LRP1B: variants seen among roughly 807,000 people sequenced by gnomAD.
The protein encoded by LRP1B is LDL receptor related protein 1B.
In LRP1B, 217 loss-of-function variants were observed where a neutral mutation model predicts 556.6. The observed-to-expected ratio is 0.39, with a 90% CI of 0.35 to 0.44. The LOEUF (loss-of-function observed/expected upper bound fraction) is 0.44, where lower values mean the gene tolerates loss of function less well. LRP1B is among the 20% of genes least tolerant of loss of function. The probability of loss-of-function intolerance (pLI) is 1.00; values close to 1 mark genes in which losing one functional copy is unlikely to be tolerated. For missense variants in LRP1B, 5,053 were observed against 5,620.8 expected (o/e 0.90, Z 3.23); for synonymous variants, 2,047 against 1,865.8 (o/e 1.10, Z -2.50).
At chr2:141,281,049 T>C (rs1252257546) in intron 3 of LRP1B, among the ~76,000 whole-genome samples, 1 of 152,026 alleles carries the variant, frequency 6.6e-6, no homozygotes, top group Non-Finnish European at 1.5e-5. Flanking sequence ...ACAGGCCTTA[T>C]CAAATACTGT....
At chr2:141,032,714 T>C (rs1160984063) in intron 11 of LRP1B, among the ~76,000 whole-genome samples, 1 of 151,700 alleles carries the variant, frequency 6.6e-6, no homozygotes, top group Non-Finnish European at 1.5e-5. Flanking sequence ...ATTGTGAACA[T>C]TTTTGCTTAG....
chr2:141,233,640 A>C lies in LRP1B; in HGVS notation c.593-4200T>G, dbSNP rs148685763. 5.4e-3 allele frequency among the ~76,000 whole-genome samples: 818 copies of C among 152,238 alleles called. 7 individuals are homozygous for C. The highest frequency in any genetic ancestry group is 0.017 in the African/African-American group (712 of 41,554). ...TTCTCACAGTCAAAAATATACTAAA[A>C]GTGGATTTATTTACTTATAATAATA... On this transcript the variant is annotated intron_variant, in intron 5 of 90. Transcript: ENST00000389484.
chr2:141,864,086 A>G (rs1310550724), intron 1 of LRP1B, among the ~76,000 whole-genome samples: 1 of 152,200 alleles, frequency 6.6e-6, no homozygotes, highest in Non-Finnish European at 1.5e-5. Flanking sequence ...AGCAACTACA[A>G]CAACAACAAA....
chr2:140,286,661 A>G (rs1342877606), intron 84 of LRP1B, among the ~76,000 whole-genome samples: 1 of 151,856 alleles, frequency 6.6e-6, no homozygotes, highest in Non-Finnish European at 1.5e-5. Context: ...ACTTTCAATG[A>G]CTCAATGCAA....
At chr2:141,610,399 C>A (rs1423530777) in intron 2 of LRP1B, among the ~76,000 whole-genome samples, 1 of 146,378 alleles carries the variant, frequency 6.8e-6, no homozygotes, top group Non-Finnish European at 1.5e-5. Flanking sequence ...GCATTGTAAA[C>A]AGTGTTTCCC....
At chr2:140,701,270 A>C (rs1686630911) in intron 40 of LRP1B, among the ~76,000 whole-genome samples, 1 of 152,128 alleles carries the variant, frequency 6.6e-6, no homozygotes, top group African/African-American at 2.4e-5. Context: ...GTTTAGAATA[A>C]ATATTTTAAG....
chr2:141,574,195 A>C (rs1029218079), intron 2 of LRP1B, among the ~76,000 whole-genome samples: 3 of 152,190 alleles, frequency 2.0e-5, no homozygotes, highest in Non-Finnish European at 2.9e-5. Context: ...GAAAATCCTC[A>C]ATAAAACACT....
At chr2:141,960,237 T>G (rs1258459827) in intron 1 of LRP1B, among the ~76,000 whole-genome samples, 1 of 151,806 alleles carries the variant, frequency 6.6e-6, no homozygotes, top group South Asian at 2.1e-4. Flanking sequence ...TGCTAATTGA[T>G]TTTTCTGAAG....
chr2:140,559,019 A>G lies in LRP1B; in HGVS notation c.7195-17048T>C, dbSNP rs187961216. 1.7e-3 allele frequency among the ~76,000 whole-genome samples: 264 copies of G among 152,230 alleles called. 3 individuals carry two copies. The highest frequency in any genetic ancestry group is 3.9e-3 in the Admixed American group (59 of 15,262). On this transcript the variant is annotated intron_variant, in intron 43 of 90. Coordinates refer to ENST00000389484, the MANE Select transcript of LRP1B (RefSeq NM_018557.3). Reference sequence around the variant, plus strand: ...AGGAAATATAAGTATAGGCTACAATATCAAAAACATTTTATGATTTTTGAT... The same window carrying G: ...AGGAAATATAAGTATAGGCTACAATGTCAAAAACATTTTATGATTTTTGAT...
At chr2:140,605,604 TTCTC>T (rs1328353534) in intron 41 of LRP1B, among the ~76,000 whole-genome samples, 3 of 151,598 alleles carry the variant, frequency 2.0e-5, no homozygotes, top group African/African-American at 7.3e-5. Flanking sequence ...TTCTCTTTCT[TTCTC>T]TCTCTTCTTT....
chr2:140,829,725 A>G (rs1691649564), intron 31 of LRP1B, among the ~76,000 whole-genome samples: 1 of 152,106 alleles, frequency 6.6e-6, no homozygotes. Context: ...TAGACAAGCA[A>G]GAATAAACCA....
intron 66 of LRP1B, among the ~76,000 whole-genome samples, chr2:140,393,697 G>A (rs2105214848): frequency 1.3e-5 from 2 of 152,082 alleles, no homozygotes; most frequent in Middle Eastern, 3.4e-3. Flanking sequence ...AAATAATGAG[G>A]TGAAAAGAAC....
chr2:142,072,461 G>A (rs1015575323), intron 1 of LRP1B, among the ~76,000 whole-genome samples: 2 of 151,916 alleles, frequency 1.3e-5, no homozygotes, highest in African/African-American at 4.8e-5. Flanking sequence ...CCAAACACAT[G>A]CTCCCTAACC....
chr2:140,252,077 A>G (rs1422951690), intron 86 of LRP1B, among the ~76,000 whole-genome samples: 10 of 136,396 alleles, frequency 7.3e-5, no homozygotes, highest in African/African-American at 2.4e-4. Flanking sequence ...AAAAAAAAAA[A>G]AAAAAAAAAA....
chr2:140,681,307 G>T (rs1008627870), intron 41 of LRP1B, among the ~76,000 whole-genome samples: 3 of 151,698 alleles, frequency 2.0e-5, no homozygotes, highest in African/African-American at 4.8e-5. Context: ...AGAAAAGAAG[G>T]AATAAATAAA....
chr2:141,069,860 A>T (rs1574041983), intron 7 of LRP1B, among the ~76,000 whole-genome samples: 1 of 151,882 alleles, frequency 6.6e-6, no homozygotes, highest in Admixed American at 6.6e-5. Flanking sequence ...TGTGCAGGTT[A>T]GTTACATATG....
chr2:140,755,787 G>A (rs183214059), intron 35 of LRP1B, among the ~76,000 whole-genome samples: 6 of 152,096 alleles, frequency 3.9e-5, no homozygotes, highest in African/African-American at 1.4e-4. Flanking sequence ...AGACAAGAAT[G>A]TGTCTTCTAA....
At chr2:142,053,262 G>A (rs987994996) in intron 1 of LRP1B, among the ~76,000 whole-genome samples, 6 of 152,084 alleles carry the variant, frequency 3.9e-5, no homozygotes, top group African/African-American at 1.4e-4. Context: ...CGTTACTATA[G>A]CAATTTAGCT....
At chr2:141,490,382 T>C (rs959803988) in intron 2 of LRP1B, among the ~76,000 whole-genome samples, 1 of 149,958 alleles carries the variant, frequency 6.7e-6, no homozygotes, top group Non-Finnish European at 1.5e-5. Context: ...TGTGTGTGTG[T>C]GTGTGTGTGT....
Sources: allele counts gnomAD v4.1 joint callset (sites outside exome capture counted in the v4.1 genomes callset), GRCh38; gene constraint gnomAD v4.1.1; transcripts MANE v1.5; gene names NCBI Gene and HGNC (gene_info 2026-07-23, HGNC 2026-07-21).